BABAM2: variants seen among roughly 807,000 people sequenced by gnomAD.
BABAM2 encodes BRISC and BRCA1 A complex member 2, also known as BRISC and BRCA1-A complex member 2.
BABAM2 carries 31 observed loss-of-function variants against 54.7 expected under a neutral mutation model. The observed-to-expected ratio is 0.57, with a 90% CI of 0.43 to 0.77. BABAM2 has a LOEUF of 0.77. BABAM2 is among the 30% of genes least tolerant of loss of function. The pLI is 0.00. For missense variants in BABAM2, 364 were observed against 455.8 expected, an observed-to-expected ratio of 0.80 and a Z score of 1.83; for synonymous variants, 167 against 162.9, an observed-to-expected ratio of 1.03 and a Z score of -0.19.
At chr2:27,971,021 A>G (rs114637213) in intron 3 of BABAM2, among the ~76,000 whole-genome samples, 580 of 152,186 alleles carry the variant, frequency 3.8e-3, no homozygotes, top group Non-Finnish European at 5.3e-3. Flanking sequence ...AAGGCCCATG[A>G]TATGTTTCTT....
At chr2:28,165,784 C>G (rs1673608863) in intron 7 of BABAM2, among the ~76,000 whole-genome samples, 1 of 152,090 alleles carries the variant, frequency 6.6e-6, no homozygotes, top group Non-Finnish European at 1.5e-5. Context: ...GATCCACCCA[C>G]CTCAGCCTCC....
Position 27,936,700 on chromosome 2 carries a change from A to G in BABAM2, c.205+6792A>G, listed in dbSNP as rs931933712. Among the ~76,000 whole-genome samples, 65 of 152,276 alleles carry G rather than the reference A, an allele frequency of 4.3e-4. 1 individual carries two copies. The highest frequency in any genetic ancestry group is 1.5e-3 in the African/African-American group (62 of 41,554). ...ATTCTCAGTAAACTATCGCAAGGAC[A>G]AAAAGCCAAACACCGCATGTTCTCA... On this transcript the variant is annotated intron_variant, in intron 3 of 11. Transcript: ENST00000379624.
chr2:28,220,230 C>T (rs1381272399), intron 7 of BABAM2, among the ~76,000 whole-genome samples: 1 of 152,140 alleles, frequency 6.6e-6, no homozygotes, highest in Admixed American at 6.5e-5. Flanking sequence ...AGTCCTGTGT[C>T]CGTCATTTAC....
chr2:28,066,691 C>T (rs950801925), intron 6 of BABAM2, among the ~76,000 whole-genome samples: 7 of 152,162 alleles, frequency 4.6e-5, no homozygotes, highest in East Asian at 1.9e-4. Flanking sequence ...CTCATCACAT[C>T]GGCTTCTCCA....
intron 6 of BABAM2, among the ~76,000 whole-genome samples, chr2:28,113,169 GAT>G (rs1668291192): frequency 6.6e-6 from 1 of 152,178 alleles, no homozygotes; most frequent in South Asian, 2.1e-4. Context: ...TCACTCTGAT[GAT>G]AGTTTCTTTT....
intron 4 of BABAM2, among the ~76,000 whole-genome samples, chr2:28,022,932 C>T (rs1160856272): frequency 6.6e-6 from 1 of 152,166 alleles, no homozygotes; most frequent in Non-Finnish European, 1.5e-5. Flanking sequence ...TGTTTTCTCC[C>T]CTTCTAGGCA....
intron 7 of BABAM2, among the ~76,000 whole-genome samples, chr2:28,193,443 A>G (rs190683637): frequency 6.6e-6 from 1 of 152,236 alleles, no homozygotes; most frequent in East Asian, 1.9e-4. Context: ...GACCTCGGCA[A>G]GTCATGTGTC....
intron 10 of BABAM2, among the ~76,000 whole-genome samples, chr2:28,277,397 T>C (rs2148182804): frequency 6.6e-6 from 1 of 152,250 alleles, no homozygotes; most frequent in African/African-American, 2.4e-5. Flanking sequence ...GAGCCACTGT[T>C]CCCGGCCCAT....
chr2:27,913,133 T>C (rs1666728096), intron 2 of BABAM2, among the ~76,000 whole-genome samples: 1 of 152,056 alleles, frequency 6.6e-6, no homozygotes, highest in Admixed American at 6.6e-5. Flanking sequence ...TTGTAAAATA[T>C]AAAAATGAAT....
intron 4 of BABAM2, among the ~76,000 whole-genome samples, chr2:28,006,495 G>T (rs1398551204): frequency 6.6e-6 from 1 of 152,034 alleles, no homozygotes; most frequent in African/African-American, 2.4e-5. Context: ...AGACAAATAA[G>T]TGTATAGCAA....
At chr2:27,961,199 G>C (rs1386054133) in intron 3 of BABAM2, among the ~76,000 whole-genome samples, 1 of 152,192 alleles carries the variant, frequency 6.6e-6, no homozygotes, top group Non-Finnish European at 1.5e-5. Flanking sequence ...TCAGCTTTGA[G>C]ATGTAGAGAA....
At chr2:28,091,817 A>C (rs981087227) in intron 6 of BABAM2, among the ~76,000 whole-genome samples, 3 of 152,204 alleles carry the variant, frequency 2.0e-5, no homozygotes, top group Non-Finnish European at 4.4e-5. Context: ...AATACTTTGC[A>C]TGTAATATGC....
chr2:28,309,785 C>T (rs890966980), intron 11 of BABAM2, among the ~76,000 whole-genome samples: 3 of 152,176 alleles, frequency 2.0e-5, no homozygotes, highest in African/African-American at 7.2e-5. Context: ...CTGAACTCCC[C>T]ACAAGAGAGA....
intron 11 of BABAM2, among the ~76,000 whole-genome samples, chr2:28,333,971 A>T (rs1691188636): frequency 6.6e-6 from 1 of 152,224 alleles, no homozygotes; most frequent in Non-Finnish European, 1.5e-5. Context: ...CGTTTTAAAA[A>T]ATCTATAAAT....
At chr2:28,191,795 A>G (rs2147921643) in intron 7 of BABAM2, among the ~76,000 whole-genome samples, 1 of 152,314 alleles carries the variant, frequency 6.6e-6, no homozygotes, top group Admixed American at 6.5e-5. Context: ...CAAGAGTAAG[A>G]GGAAACTTAG....
chr2:28,168,411 TC>T (rs746778681), intron 7 of BABAM2, among the ~76,000 whole-genome samples: 4 of 152,284 alleles, frequency 2.6e-5, no homozygotes, highest in Non-Finnish European at 5.9e-5. Context: ...ATAGCCTACT[TC>T]TTCTGGAGGT....
intron 10 of BABAM2, among the ~76,000 whole-genome samples, chr2:28,296,298 G>A (rs1046038832): frequency 3.3e-5 from 5 of 152,138 alleles, no homozygotes; most frequent in African/African-American, 9.7e-5. Context: ...TCAGTCTTTC[G>A]TATTGTTCCT....
intron 3 of BABAM2, among the ~76,000 whole-genome samples, chr2:27,951,637 A>G (rs1029017465): frequency 6.6e-6 from 1 of 152,154 alleles, no homozygotes; most frequent in Non-Finnish European, 1.5e-5. Context: ...AAGTTGGTTA[A>G]TAGAGTTGTT....
intron 11 of BABAM2, among the ~76,000 whole-genome samples, chr2:28,302,617 G>C (rs1467456742): frequency 6.6e-6 from 1 of 152,128 alleles, no homozygotes; most frequent in African/African-American, 2.4e-5. Context: ...GTAAATACTT[G>C]GGAGTGGGAG....
Sources: allele counts gnomAD v4.1 joint callset (sites outside exome capture counted in the v4.1 genomes callset), GRCh38; gene constraint gnomAD v4.1.1; transcripts MANE v1.5; gene names NCBI Gene and HGNC (gene_info 2026-07-23, HGNC 2026-07-21).